The following FAM234B variants were observed in gnomAD, a reference collection of about 807,000 sequenced individuals.
FAM234B encodes family with sequence similarity 234 member B, also known as protein FAM234B.
In FAM234B, 33 loss-of-function variants were observed where a neutral mutation model predicts 69.3. The observed-to-expected ratio is 0.48, with a 90% confidence interval of 0.36 to 0.64. FAM234B has a LOEUF of 0.64. FAM234B is among the 30% of genes least tolerant of loss of function. The pLI, the probability that FAM234B is intolerant of heterozygous loss-of-function variation, is 0.00. For missense variants in FAM234B, 697 were observed against 769.7 expected, an observed-to-expected ratio of 0.91 and a Z score of 1.12; for synonymous variants, 306 against 306.9, an observed-to-expected ratio of 1.00 and a Z score of 0.03.
intron 9 of FAM234B, among the ~76,000 whole-genome samples, 187 bp downstream of exon 9, chr12:13,068,898 A>G (rs1049136216): frequency 1.3e-5 from 2 of 152,196 alleles, no homozygotes; most frequent in Admixed American, 6.5e-5. Flanking sequence ...GTAGCACTGG[A>G]AGCCTTTCTA....
At chr12:13,049,596 C>G (rs1259153951) in intron 1 of FAM234B, among the ~76,000 whole-genome samples, 1 of 152,246 alleles carries the variant, frequency 6.6e-6, no homozygotes, top group Non-Finnish European at 1.5e-5. Flanking sequence ...TTTTATGTCT[C>G]TGACTCTGTT....
At chr12:13,061,386 C>T (rs111583708) in intron 3 of FAM234B, among the ~76,000 whole-genome samples, 189 bp from the exon 4 acceptor site, 13 of 152,302 alleles carry the variant, frequency 8.5e-5, no homozygotes, top group African/African-American at 2.2e-4. Flanking sequence ...ACATGAGAAG[C>T]GTGTTCAGCA....
rs1865250028 is a variant in FAM234B, at chr12:13,082,658, A to G, written c.*2028A>G. The G allele has an allele frequency of 6.6e-6, 1 of 152,218 alleles. No individual in the cohort carries two copies. Among genetic ancestry groups the G allele is most frequent in the Admixed American group, 6.5e-5 (1 of 15,280 alleles). 9.4% of individuals were successfully genotyped at this position (152,218 alleles called of 1,614,324 possible). On this transcript the variant is annotated 3_prime_UTR_variant, in exon 13 of 13. Transcript: ENST00000197268. ...GAAGAATTAATTTATAGGCAGCTGA[A>G]TACCCAAAACTTGGGTGGTGGTCCT...
chr12:13,059,567 G>A lies in FAM234B; in HGVS notation c.532+1018G>A, dbSNP rs139898659. Reference sequence around the variant, plus strand: ...ACAGTGGAGTCAAACTGCAGCCTGTGAGCTGATGCAGGGACCTAGTTTGAT... The same window carrying A: ...ACAGTGGAGTCAAACTGCAGCCTGTAAGCTGATGCAGGGACCTAGTTTGAT... On this transcript the variant is annotated intron_variant, in intron 3 of 12. Coordinates refer to ENST00000197268, the MANE Select transcript of FAM234B (RefSeq NM_020853.2). Among the ~76,000 whole-genome samples the A allele has an allele frequency of 3.3e-5, 5 of 152,328 alleles. No individual in the cohort carries two copies. The East Asian group carries it at 9.7e-4, about 29-fold the overall frequency.
intron 5 of FAM234B, among the ~76,000 whole-genome samples, chr12:13,064,583 C>G (rs1335718207): frequency 6.6e-6 from 1 of 152,148 alleles, no homozygotes. Flanking sequence ...TTGTGTTGGT[C>G]TCTACTCAGT....
At chr12:13,061,516 C>A in intron 3 of FAM234B, 59 bp from the exon 4 acceptor site, 1 of 1,463,616 alleles carries the variant, frequency 6.8e-7, no homozygotes, top group Non-Finnish European at 9.3e-7. Flanking sequence ...TCTTGTTCAT[C>A]TCTGCCTCTT....
At chr12:13,051,414 G>T (rs774775942) in intron 1 of FAM234B, among the ~76,000 whole-genome samples, 1 of 152,174 alleles carries the variant, frequency 6.6e-6, no homozygotes, top group African/African-American at 2.4e-5. Flanking sequence ...ATTTGATGTC[G>T]ATGCTAAATT....
chr12:13,071,819 G>C (rs986554906), intron 10 of FAM234B, among the ~76,000 whole-genome samples: 4 of 152,166 alleles, frequency 2.6e-5, no homozygotes, highest in African/African-American at 4.8e-5. Flanking sequence ...GAACGGGGAT[G>C]GGGGAGGGTG....
intron 12 of FAM234B, 78 bp from the exon 13 acceptor site, chr12:13,080,547 G>C: frequency 8.5e-7 from 1 of 1,172,602 alleles, no homozygotes. Context: ...GAAATATTCT[G>C]ACCTTTAGTT....
In FAM234B at chr12:13,080,884, ATGT is replaced by A; in HGVS notation, c.*255_*257del. ...GGAACTCTGCGTGGATCGTTTGGAA[ATGT>A]GAATCTCTTAAGTATTTAATTTTTT... On this transcript the variant is annotated 3_prime_UTR_variant, in exon 13 of 13. Transcript: ENST00000197268. 2 of 411,326 alleles carry A rather than the reference ATGT, an allele frequency of 4.9e-6. No individual in the cohort carries two copies. Among genetic ancestry groups the A allele is most frequent in the East Asian group, 7.4e-5 (2 of 27,022 alleles). The allele number at this position is 411,326 out of a possible 1,614,324, so 25.5% of individuals were successfully genotyped here. A position where few individuals can be genotyped will look rare whatever the true frequency, so the allele number is the denominator to read the frequency against.
rs756520478 is a variant in FAM234B, at chr12:13,062,934, G to A, written c.811G>A (p.Gly271Ser). ...VVVLPDLDED[G>S]VRDLVVLAIG... is the part of the protein sequence containing the mutation. ...GGTACTGCCAGACTTGGATGAAGAC[G>A]GTGTTCGAGACCTTGTGGTTCTGGC... Residue 271 changes from glycine to serine, a missense_variant, in exon 5 of 13, where the codon GGT (glycine) becomes AGT (serine). This residue lies in a region of FAM234B where 380 missense variants were observed against 447.1 expected (regional missense o/e 0.85). Transcript: ENST00000197268. The A allele has an allele frequency of 8.1e-6, 13 of 1,613,918 alleles. No homozygotes were observed. The highest frequency in any genetic ancestry group is 2.2e-5 in the South Asian group (2 of 91,074).
intron 9 of FAM234B, 83 bp from the exon 10 acceptor site, chr12:13,071,158 T>C (rs1204185313): frequency 7.1e-7 from 1 of 1,400,114 alleles, no homozygotes; most frequent in Non-Finnish European, 1.0e-6. Context: ...TTTGAATACC[T>C]GTGCATTTTT....
At chr12:13,048,548 A>C (rs1432841666) in intron 1 of FAM234B, among the ~76,000 whole-genome samples, 1 of 141,604 alleles carries the variant, frequency 7.1e-6, no homozygotes, top group Admixed American at 7.1e-5. Context: ...CTTTTCTGTT[A>C]TCCTCTTCGG....
Position 13,044,563 on chromosome 12 carries a change from G to GT in FAM234B, c.37+124dup. 9.5e-7 allele frequency: 1 copy of GT among 1,050,640 alleles called. No homozygotes were observed. Among genetic ancestry groups the GT allele is most frequent in the East Asian group, 2.6e-5 (1 of 38,160 alleles). The allele number at this position is 1,050,640 out of a possible 1,614,324, so 65.1% of individuals were successfully genotyped here. On this transcript the variant is annotated intron_variant, in intron 1 of 12. Transcript: ENST00000197268. This position sits in a 1 kb window ranked among gnomAD's most constrained non-coding sequence, Gnocchi z 5.6. ...ACCCAGACTCAGCTGCAGGCGCCCG[G>GT]TGCCGAGGAGGGTGCAGTCCCTTGG...
chr12:13,077,606 A>C lies in FAM234B; in HGVS notation c.1642+1463A>C, dbSNP rs549227007. Among the ~76,000 whole-genome samples the C allele has an allele frequency of 3.6e-3, 544 of 151,738 alleles. 1 individual carries two copies. Among genetic ancestry groups the C allele is most frequent in the Non-Finnish European group, 6.6e-3 (448 of 67,892 alleles). ...TCCCTACAAAGGACATGAACTCATC[A>C]TTTTTTATGGCTGCATAGTATTCCA... is the stretch of plus-strand genomic sequence containing the variant. On this transcript the variant is annotated intron_variant, in intron 11 of 12. Coordinates refer to ENST00000197268, the MANE Select transcript of FAM234B (RefSeq NM_020853.2).
chr12:13,062,653 A>G (rs112144799), intron 4 of FAM234B, 192 bp from the exon 5 acceptor site: 3 of 503,692 alleles, frequency 6.0e-6, no homozygotes, highest in African/African-American at 3.9e-5. Context: ...TTTGCCAGAT[A>G]CTTTAGGATT....
intron 9 of FAM234B, among the ~76,000 whole-genome samples, chr12:13,069,716 A>AC (rs1313835953): frequency 2.0e-5 from 3 of 152,074 alleles, no homozygotes; most frequent in African/African-American, 7.2e-5. Flanking sequence ...GCTGAGGTGC[A>AC]CTCCCATCAG....
Position 13,058,500 on chromosome 12 carries a change from GC to G in FAM234B, c.484del (p.Arg162ValfsTer8). On this transcript the variant is annotated frameshift_variant, in exon 3 of 13. Coordinates refer to ENST00000197268, the MANE Select transcript of FAM234B (RefSeq NM_020853.2). LOFTEE classifies it high-confidence loss of function. ...ELADVNGDGLRDVLLSFVMSR... is the reference protein window; with the variant it reads ...ELADVNGDGLXDVLLSFVMSR... ...TGGCTGATGTGAATGGAGATGGCCT[GC>G]GTGATGTGCTTCTCTCCTTTGTGAT... 6.2e-7 allele frequency: 1 copy of G among 1,614,074 alleles called. No homozygotes were observed. The highest frequency in any genetic ancestry group is 1.1e-5 in the South Asian group (1 of 91,074).
intron 9 of FAM234B, among the ~76,000 whole-genome samples, chr12:13,068,939 T>C (rs183576644): frequency 6.6e-6 from 1 of 152,210 alleles, no homozygotes; most frequent in East Asian, 1.9e-4. Flanking sequence ...AGGAGTTTCT[T>C]GTTTTGGATC....
Sources: gnomAD v4.1 joint callset for allele counts (sites outside exome capture counted in the v4.1 genomes callset) on GRCh38, gnomAD v4.1.1 for gene constraint, gnomAD v4.1.1 regional missense constraint, Gnocchi (gnomAD v3.1) non-coding constraint, MANE v1.5 for transcripts, NCBI Gene and HGNC (gene_info 2026-07-23, HGNC 2026-07-21) for gene names.